Variants in SRGAP1 observed in about 807,000 individuals in gnomAD.
The protein encoded by SRGAP1 is SLIT-ROBO Rho GTPase-activating protein 1.
A neutral mutation model predicts 121.9 loss-of-function variants in SRGAP1; 43 were observed. That is an observed-to-expected ratio of 0.35 (90% CI 0.28 to 0.46). SRGAP1 has a LOEUF of 0.46. Among genes scored for constraint, SRGAP1 ranks in the 20% least tolerant of loss-of-function variants. SRGAP1 has a pLI of 1.00. For synonymous variants in SRGAP1, 447 were observed against 485.4 expected (o/e 0.92, Z 1.04); for missense variants, 1,102 against 1,350.9 (o/e 0.82, Z 2.89).
intron 6 of SRGAP1, among the ~76,000 whole-genome samples, chr12:64,050,635 C>T (rs949468099): frequency 5.3e-5 from 8 of 152,204 alleles, no homozygotes; most frequent in African/African-American, 1.9e-4. Context: ...GCTGATGTGT[C>T]TAGGCAAGAT....
At chr12:63,950,554 A>G (rs2032254488) in intron 1 of SRGAP1, among the ~76,000 whole-genome samples, 1 of 151,924 alleles carries the variant, frequency 6.6e-6, no homozygotes, top group Non-Finnish European at 1.5e-5. Context: ...AGCTCATGAC[A>G]TGCTTGTAGC....
chr12:64,094,501 G>T (rs943785015), intron 12 of SRGAP1, among the ~76,000 whole-genome samples: 1 of 152,092 alleles, frequency 6.6e-6, no homozygotes, highest in African/African-American at 2.4e-5. Flanking sequence ...AGATATGGAA[G>T]CCCTTTTATG....
At chr12:64,082,218 C>T (rs1271613416) in intron 10 of SRGAP1, among the ~76,000 whole-genome samples, 1 of 151,880 alleles carries the variant, frequency 6.6e-6, no homozygotes, top group African/African-American at 2.4e-5. Context: ...TGCTTGCAGA[C>T]ACATGTGTTA....
At chr12:64,060,808 A>G (rs1223491462) in intron 6 of SRGAP1, among the ~76,000 whole-genome samples, 1 of 152,130 alleles carries the variant, frequency 6.6e-6, no homozygotes, top group Non-Finnish European at 1.5e-5. Context: ...CTCCTCCACT[A>G]TTTTAACAGC....
At chr12:64,081,850 A>G (rs2035849045) in intron 10 of SRGAP1, 1 of 151,546 alleles carries the variant, frequency 6.6e-6, no homozygotes, top group Non-Finnish European at 1.5e-5. Flanking sequence ...GAAAATCTAC[A>G]TGAAGGGGAT....
At chr12:64,132,514 G>C (rs1287467836) in intron 21 of SRGAP1, among the ~76,000 whole-genome samples, 1 of 152,200 alleles carries the variant, frequency 6.6e-6, no homozygotes, top group African/African-American at 2.4e-5. Flanking sequence ...TAGGCGTTGT[G>C]CCTCTTTCTT....
At chr12:63,918,462 G>A (rs1198689999) in intron 1 of SRGAP1, among the ~76,000 whole-genome samples, 1 of 152,110 alleles carries the variant, frequency 6.6e-6, no homozygotes, top group Non-Finnish European at 1.5e-5. Flanking sequence ...TGTCACCCAG[G>A]TTGGAGTGCA....
chr12:63,975,176 C>T (rs534947312), intron 1 of SRGAP1, among the ~76,000 whole-genome samples: 28 of 152,322 alleles, frequency 1.8e-4, no homozygotes, highest in African/African-American at 6.5e-4. Flanking sequence ...ATGACCACTT[C>T]GCAGTTAAGG....
intron 1 of SRGAP1, among the ~76,000 whole-genome samples, chr12:63,956,258 C>T (rs757350376): frequency 1.3e-5 from 2 of 151,992 alleles, no homozygotes; most frequent in Admixed American, 6.5e-5. Flanking sequence ...TGGGCTCAAG[C>T]GATCTTAAAC....
chr12:64,067,966 G>A (rs1342522421), intron 8 of SRGAP1, among the ~76,000 whole-genome samples: 1 of 151,370 alleles, frequency 6.6e-6, no homozygotes, highest in African/African-American at 2.4e-5. Context: ...GTTTTAAAAA[G>A]CATGGACAGT....
intron 3 of SRGAP1, among the ~76,000 whole-genome samples, chr12:64,004,986 A>G (rs2034035014): frequency 6.6e-6 from 1 of 152,194 alleles, no homozygotes; most frequent in African/African-American, 2.4e-5. Context: ...ATTAAGAAAC[A>G]CTTGTGATAC....
intron 6 of SRGAP1, among the ~76,000 whole-genome samples, chr12:64,048,462 T>C (rs2035176895): frequency 6.6e-6 from 1 of 152,182 alleles, no homozygotes; most frequent in Non-Finnish European, 1.5e-5. Context: ...GCAGTAAACA[T>C]GGGAATGCAG....
chr12:64,015,862 A>G (rs953420351), intron 3 of SRGAP1, among the ~76,000 whole-genome samples: 1 of 151,900 alleles, frequency 6.6e-6, no homozygotes, highest in East Asian at 1.9e-4. Context: ...TATGCTACAC[A>G]TTTTTTTTCC....
At chr12:63,945,479 T>A (rs1309977900) in intron 1 of SRGAP1, among the ~76,000 whole-genome samples, 1 of 152,118 alleles carries the variant, frequency 6.6e-6, no homozygotes, top group Admixed American at 6.5e-5. Flanking sequence ...TGTGTTCTCT[T>A]TGTTCAACTC....
In SRGAP1 at chr12:63,989,967, A is replaced by C; in HGVS notation, c.321A>C (p.Val107=). The C allele has an allele frequency of 6.2e-7, 1 of 1,613,672 alleles. No homozygotes were observed. Among genetic ancestry groups the C allele is most frequent in the South Asian group, 1.1e-5 (1 of 91,034 alleles). ...VNCWYLLLNQ[V]RRESKDHATL... is the part of the protein sequence containing the mutation. ...GCTGGTATTTGCTCCTGAACCAAGTAAGGAGAGAAAGCAAAGACCATGCAA... is the reference window on the plus strand; with the variant it reads ...GCTGGTATTTGCTCCTGAACCAAGTCAGGAGAGAAAGCAAAGACCATGCAA... The change falls in exon 3 of 22, where the codon GTA becomes GTC. Residue 107 remains valine, a synonymous_variant. Coordinates refer to ENST00000355086, the MANE Select transcript of SRGAP1 (RefSeq NM_020762.4).
At chr12:63,884,882 G>A (rs1450652630) in intron 1 of SRGAP1, among the ~76,000 whole-genome samples, 1 of 151,838 alleles carries the variant, frequency 6.6e-6, no homozygotes, top group Non-Finnish European at 1.5e-5. Flanking sequence ...ACCACACCCA[G>A]CTAATTTTTC....
At chr12:63,882,837 ATTCTCTTGAAACTCTTAGTGTGTGACATT>A (rs1900241498) in intron 1 of SRGAP1, among the ~76,000 whole-genome samples, 1 of 152,232 alleles carries the variant, frequency 6.6e-6, no homozygotes, top group Non-Finnish European at 1.5e-5. Context: ...ACCAAGAACA[ATTCTCTTGAAACTCTTAGTGTGTGACATT>A]TTGTAGACAT....
chr12:64,023,971 A>AT (rs2136476646), intron 4 of SRGAP1, among the ~76,000 whole-genome samples: 1 of 152,284 alleles, frequency 6.6e-6, no homozygotes, highest in South Asian at 2.1e-4. Context: ...TTAGAGAAGG[A>AT]TGTGCAGAGG....
At chr12:63,901,531 G>A (rs1209520294) in intron 1 of SRGAP1, among the ~76,000 whole-genome samples, 1 of 152,138 alleles carries the variant, frequency 6.6e-6, no homozygotes, top group African/African-American at 2.4e-5. Flanking sequence ...TTTCTTTCTG[G>A]TTGTTCCTGC....
Sources: allele counts gnomAD v4.1 joint callset (sites outside exome capture counted in the v4.1 genomes callset), GRCh38; gene constraint gnomAD v4.1.1; transcripts MANE v1.5; gene names NCBI Gene and HGNC (gene_info 2026-07-23, HGNC 2026-07-21).